PPEF1: variants seen among roughly 807,000 people sequenced by gnomAD.
The protein encoded by PPEF1 is serine/threonine-protein phosphatase with EF-hands 1.
PPEF1 carries 12 observed loss-of-function variants against 53.3 expected under a neutral mutation model. That is an observed-to-expected ratio of 0.23 (90% CI 0.14 to 0.36). The LOEUF is 0.36. Ranked by LOEUF, PPEF1 falls within the 10% of genes least tolerant of loss-of-function variation. PPEF1 has a pLI of 1.00. For synonymous variants in PPEF1, 165 were observed against 176.7 expected, an observed-to-expected ratio of 0.93 and a Z score of 0.52; for missense variants, 334 against 490.4, an observed-to-expected ratio of 0.68 and a Z score of 3.01.
chrX:18,785,559 A>G (rs1383576312), intron 9 of PPEF1, among the ~76,000 whole-genome samples: 1 of 110,060 alleles, frequency 9.1e-6, no homozygotes, highest in African/African-American at 3.3e-5. Flanking sequence ...GTAATTATTA[A>G]TAGCACCTCC....
chrX:18,757,733 C>G lies in PPEF1; in HGVS notation c.503C>G (p.Thr168Arg). 1 of 1,198,313 alleles carries G rather than the reference C, an allele frequency of 8.3e-7. No individual in the cohort carries two copies. The highest frequency in any genetic ancestry group is 1.1e-6 in the Non-Finnish European group (1 of 883,418). ...CAAACTTCTCCCTCCAAAGAGGTAA[C>G]AATCTGTGGTAAGTTTCAGAGCAGA... is the stretch of plus-strand genomic sequence containing the variant. The part of the protein sequence containing the change: ...HIQTSPSKEV[T>R]ICGDLHGKLD... Residue 168 changes from threonine (T) to arginine (R), a missense_variant, in exon 5 of 16, where the codon ACA (threonine) becomes AGA (arginine). By Grantham distance (71) the Thr-to-Arg change is moderately conservative. Coordinates refer to ENST00000470157, the MANE Select transcript of PPEF1 (RefSeq NM_001377996.1).
At chrX:18,817,635 C>T (rs1277936783) in intron 12 of PPEF1, among the ~76,000 whole-genome samples, 4 of 105,557 alleles carry the variant, frequency 3.8e-5, no homozygotes, top group Non-Finnish European at 7.8e-5. Flanking sequence ...CCACCACACC[C>T]GGCCTTTGTT....
At chrX:18,705,645 G>A (rs759034884), upstream of PPEF1, among the ~76,000 whole-genome samples, 1 of 111,056 alleles carries the variant, frequency 9.0e-6, no homozygotes, top group Admixed American at 9.5e-5. Flanking sequence ...AGCCCGGGAG[G>A]TGGAGGCTGC....
intron 9 of PPEF1, among the ~76,000 whole-genome samples, chrX:18,786,780 CA>C (rs761641178): frequency 7.3e-4 from 43 of 58,808 alleles, no homozygotes; most frequent in East Asian, 1.5e-3. Context: ...AACACTATCT[CA>C]AAAAAAAAAA....
chrX:18,806,683 T>A, intron 12 of PPEF1, 138 bp downstream of exon 12: 4 of 599,791 alleles, frequency 6.7e-6, no homozygotes, highest in Non-Finnish European at 9.5e-6. Flanking sequence ...ATGTAAATAG[T>A]TCCAGACACC....
In PPEF1 at chrX:18,757,673, A is replaced by C; in HGVS notation, c.443A>C (p.Lys148Thr). 5.0e-6 allele frequency: 6 copies of C among 1,209,369 alleles called. No homozygotes were observed. The highest frequency in any genetic ancestry group is 6.7e-6 in the Non-Finnish European group (6 of 894,904). ...TTAGAGGTGCTATTTGAAACCAAGA[A>C]AGTCCTGAAGCAAATGCCGAATTTC... ...YVLEVLFETK[K>T]VLKQMPNFTH... Residue 148 changes from lysine to threonine, a missense_variant, in exon 5 of 16, where the codon AAA (lysine) becomes ACA (threonine). By Grantham distance (78) the Lys-to-Thr change is moderately conservative. Coordinates refer to ENST00000470157, the MANE Select transcript of PPEF1 (RefSeq NM_001377996.1).
At chrX:18,704,349 C>T (rs140872340), upstream of PPEF1, among the ~76,000 whole-genome samples, 2 of 111,654 alleles carry the variant, frequency 1.8e-5, no homozygotes, top group East Asian at 5.6e-4. Context: ...GGATTCCTTG[C>T]ATCAAAGTTC....
chrX:18,802,967 C>A (rs1453626725), intron 10 of PPEF1, among the ~76,000 whole-genome samples: 1 of 110,966 alleles, frequency 9.0e-6, no homozygotes. Context: ...TTGCGGAGAC[C>A]AGCTCAGTAG....
Position 18,779,026 on chromosome X carries a change from A to G in PPEF1, c.575A>G (p.Glu192Gly), listed in dbSNP as rs770881292. 8 of 1,197,825 alleles carry G rather than the reference A, an allele frequency of 6.7e-6. No homozygotes were observed. The Admixed American group carries it at 1.3e-4, about 20-fold the overall frequency. ...CTTCCACAGAATGGTCTCCCCTCAG[A>G]GAGGAACCCGTATGTTTTTAATGGT... ...LIFYKNGLPSERNPYVFNGDF... is the reference protein window; with the variant it reads ...LIFYKNGLPSGRNPYVFNGDF... Residue 192 changes from glutamate (E) to glycine (G), a missense_variant, in exon 7 of 16, where the codon GAG (glutamate) becomes GGG (glycine). Physicochemically the swap from Glu to Gly is moderately conservative, Grantham distance 98 (BLOSUM62 -2). Coordinates refer to ENST00000470157, the MANE Select transcript of PPEF1 (RefSeq NM_001377996.1).
intron 1 of PPEF1, among the ~76,000 whole-genome samples, chrX:18,726,084 A>G (rs1391764027): frequency 9.0e-6 from 1 of 111,132 alleles, no homozygotes. Flanking sequence ...GGCCAGGCGC[A>G]GTGGCTCACA....
rs771277901 is a variant in PPEF1, at chrX:18,700,202, GTTTA to G, written c.-225-122_-225-119del. ...GTTATTTCTTTGTGTATATATGTTTGTTTATTTATTTAAGCAAGAGCTCTCTCTG... is the reference window on the plus strand; with the variant it reads ...GTTATTTCTTTGTGTATATATGTTTGTTTATTTAAGCAAGAGCTCTCTCTG... On this transcript the variant is annotated intron_variant, in intron 5 of 21. Coordinates refer to the PPEF1 transcript ENST00000361511. 7.4e-5 allele frequency: 8 copies of G among 107,724 alleles called. No homozygotes were observed. In the East Asian group the frequency reaches 1.8e-3, roughly 24 times the overall value. 8.9% of individuals were successfully genotyped at this position (107,724 alleles called of 1,213,427 possible).
intron 12 of PPEF1, among the ~76,000 whole-genome samples, chrX:18,814,462 G>T (rs1327040360): frequency 8.9e-6 from 1 of 111,928 alleles, no homozygotes; most frequent in Non-Finnish European, 1.9e-5. Flanking sequence ...TACACCAGCG[G>T]TGTATAAGCA....
At chrX:18,803,769 C>A in intron 10 of PPEF1, 123 bp from the exon 11 acceptor site, 1 of 703,746 alleles carries the variant, frequency 1.4e-6, no homozygotes, top group Non-Finnish European at 2.0e-6. Context: ...AAACAATTTT[C>A]AAGGAAGAAT....
chrX:18,751,471 G>A (rs189386440), intron 4 of PPEF1, among the ~76,000 whole-genome samples: 1 of 112,103 alleles, frequency 8.9e-6, no homozygotes, highest in East Asian at 2.8e-4. Context: ...AGTGGTCTTT[G>A]CACCCTTGTC....
chrX:18,716,821 G>A (rs569522325), intron 1 of PPEF1, among the ~76,000 whole-genome samples: 2 of 110,782 alleles, frequency 1.8e-5, no homozygotes, highest in African/African-American at 6.6e-5. Context: ...TACTGCCACC[G>A]TAGGGTATAT....
At position 18,767,901 on chromosome X, in the gene PPEF1, A is replaced by G. The variant is rs184042407; in HGVS notation, c.558+6325A>G. 2.7e-5 allele frequency among the ~76,000 whole-genome samples: 3 copies of G among 111,459 alleles called. No individual in the cohort carries two copies. In the East Asian group the frequency reaches 8.5e-4, roughly 32 times the overall value. ...GAAGGTTGCCTGCTCAGATTACAGG[A>G]GGTGCATAACTATGACCTAAGCAAT... On this transcript the variant is annotated intron_variant, in intron 6 of 15. Coordinates refer to ENST00000470157, the MANE Select transcript of PPEF1 (RefSeq NM_001377996.1).
rs112515978 is a variant in PPEF1, at chrX:18,788,045, A to G, written c.913-1076A>G. Among the ~76,000 whole-genome samples the G allele has an allele frequency of 8.7e-3, 975 of 112,144 alleles. 4 individuals carry two copies. Among genetic ancestry groups the G allele is most frequent in the South Asian group, 0.029 (78 of 2,714 alleles). ...AGAAACTAAGTGCTTGGCCGGGTGC[A>G]GTGGCTCACGCCTGTAATCCGAGCA... On this transcript the variant is annotated intron_variant, in intron 9 of 15. Transcript: ENST00000470157.
At chrX:18,813,230 T>A (rs1256748172) in intron 12 of PPEF1, among the ~76,000 whole-genome samples, 12 of 109,391 alleles carry the variant, frequency 1.1e-4, no homozygotes, top group Admixed American at 8.9e-4. Flanking sequence ...AATACAAAAA[T>A]TAGCTGGGTG....
chrX:18,786,617 T>C (rs2046205927), intron 9 of PPEF1, among the ~76,000 whole-genome samples: 1 of 108,213 alleles, frequency 9.2e-6, no homozygotes, highest in South Asian at 4.1e-4. Context: ...ACCCTGTCCT[T>C]ACTAAAATAC....
Sources: gnomAD v4.1 joint callset for allele counts (sites outside exome capture counted in the v4.1 genomes callset) on GRCh38, gnomAD v4.1.1 for gene constraint, MANE v1.5 for transcripts, NCBI Gene and HGNC (gene_info 2026-07-23, HGNC 2026-07-21) for gene names.